Variants in GLIS3 observed in about 807,000 individuals in gnomAD.
GLIS3 encodes the protein zinc finger protein GLIS3.
In GLIS3, 53 loss-of-function variants were observed where a neutral mutation model predicts 78.6. That is an observed-to-expected ratio of 0.67 (90% CI 0.54 to 0.85). The LOEUF is 0.85. Ranked by LOEUF, GLIS3 falls within the 40% of genes least tolerant of loss-of-function variation. The pLI is 0.00. For missense variants in GLIS3, 1,703 were observed against 1,231.1 expected (o/e 1.38, Z -5.74); for synonymous variants, 684 against 509.9 (o/e 1.34, Z -4.60).
chr9:4,233,815 T>G (rs1457679132), intron 2 of GLIS3, among the ~76,000 whole-genome samples: 4 of 152,226 alleles, frequency 2.6e-5, no homozygotes, highest in Non-Finnish European at 5.9e-5. Context: ...TTATCTACAT[T>G]GAAAGTCTGT....
At chr9:4,183,667 T>C (rs1817525631) in intron 2 of GLIS3, among the ~76,000 whole-genome samples, 1 of 152,208 alleles carries the variant, frequency 6.6e-6, no homozygotes, top group South Asian at 2.1e-4. Flanking sequence ...CAGCTTCAAC[T>C]TAATATGTTA....
At chr9:4,192,066 T>G (rs1468547178) in intron 2 of GLIS3, among the ~76,000 whole-genome samples, 2 of 152,138 alleles carry the variant, frequency 1.3e-5, no homozygotes, top group Non-Finnish European at 2.9e-5. Flanking sequence ...AAGGAGTTCT[T>G]GTGATAAACA....
chr9:4,262,884 C>T lies in GLIS3; in HGVS notation c.388+23154G>A, dbSNP rs140400574. On this transcript the variant is annotated intron_variant, in intron 2 of 10. Coordinates refer to ENST00000381971, the MANE Select transcript of GLIS3 (RefSeq NM_001042413.2). The stretch of plus-strand genomic sequence containing the variant: ...TTAAAACTATGAACTACCTTAAGCC[C>T]GTAGTTCACATGGTAGCTGACAGAT... Among the ~76,000 whole-genome samples the T allele has an allele frequency of 3.6e-3, 533 of 147,884 alleles. 5 individuals carry two copies. The highest frequency in any genetic ancestry group is 0.013 in the African/African-American group (498 of 39,592).
chr9:3,910,719 G>C (rs1189159362), intron 6 of GLIS3, among the ~76,000 whole-genome samples: 1 of 152,236 alleles, frequency 6.6e-6, no homozygotes, highest in Non-Finnish European at 1.5e-5. Context: ...TACTGGGCAA[G>C]TATATTCACT....
intron 2 of GLIS3, among the ~76,000 whole-genome samples, chr9:4,207,091 C>T (rs1819947382): frequency 6.6e-6 from 1 of 152,170 alleles, no homozygotes; most frequent in African/African-American, 2.4e-5. Context: ...CACATTCATC[C>T]CTACCTCTGG....
At chr9:4,234,763 T>C (rs1322555391) in intron 2 of GLIS3, among the ~76,000 whole-genome samples, 1 of 152,152 alleles carries the variant, frequency 6.6e-6, no homozygotes, top group Non-Finnish European at 1.5e-5. Context: ...CAAAATAAAA[T>C]GAGGTATGCT....
chr9:3,842,511 G>T (rs536705953), intron 9 of GLIS3, among the ~76,000 whole-genome samples: 84 of 152,294 alleles, frequency 5.5e-4, no homozygotes, highest in African/African-American at 1.9e-3. Flanking sequence ...GAGGAAGCTA[G>T]AGAGTCTTAA....
intron 6 of GLIS3, among the ~76,000 whole-genome samples, chr9:3,914,342 T>TC (rs1824356979): frequency 6.6e-6 from 1 of 151,512 alleles, no homozygotes; most frequent in African/African-American, 2.4e-5. Flanking sequence ...TTTTTTTTTT[T>TC]TTTTTGCAGA....
intron 7 of GLIS3, among the ~76,000 whole-genome samples, chr9:3,886,305 G>A (rs1822066785): frequency 6.6e-6 from 1 of 152,090 alleles, no homozygotes; most frequent in African/African-American, 2.4e-5. Context: ...TTGCTATGAA[G>A]TGGGGCCTGT....
chr9:4,117,917 T>A lies in GLIS3; in HGVS notation c.1561A>T (p.Ile521Phe), dbSNP rs141533130. Residue 521 changes from isoleucine to phenylalanine, a missense_variant, in exon 4 of 11, where the codon ATC (isoleucine) becomes TTC (phenylalanine). Transcript: ENST00000381971. ...CGCTGGTCGATGTGGACCTTCTCGA[T>A]GTGCCGCACGAGCTCCTCCTGCTGG... ...YDQQEELVRH[I>F]EKVHIDQRKG... 6.2e-7 allele frequency: 1 copy of A among 1,614,148 alleles called. No individual in the cohort carries two copies. The highest frequency in any genetic ancestry group is 1.6e-4 in the Middle Eastern group (1 of 6,062).
At chr9:4,147,368 G>T (rs1834305983) in intron 2 of GLIS3, 1 of 152,072 alleles carries the variant, frequency 6.6e-6, no homozygotes, top group South Asian at 2.1e-4. Flanking sequence ...CATGTTCTCA[G>T]GCTGTTTGGC....
chr9:4,358,064 A>C, the GLIS3 span, among the ~76,000 whole-genome samples: 4 of 152,208 alleles, frequency 2.6e-5, no homozygotes, highest in African/African-American at 9.7e-5. Flanking sequence ...GAGAAAAGCA[A>C]GGACAAGGGC....
intron 9 of GLIS3, among the ~76,000 whole-genome samples, chr9:3,855,007 C>T (rs1819673748): frequency 6.6e-6 from 1 of 152,168 alleles, no homozygotes; most frequent in Admixed American, 6.5e-5. Flanking sequence ...CAGGCATCAG[C>T]AAGAGGCAGG....
At chr9:3,871,468 T>C (rs1038925544) in intron 8 of GLIS3, among the ~76,000 whole-genome samples, 3 of 152,206 alleles carry the variant, frequency 2.0e-5, no homozygotes, top group African/African-American at 7.2e-5. Context: ...TGCAGCAAAC[T>C]TCTGCCTGGG....
At chr9:4,004,750 A>C (rs1821405584) in intron 4 of GLIS3, among the ~76,000 whole-genome samples, 1 of 152,182 alleles carries the variant, frequency 6.6e-6, no homozygotes, top group African/African-American at 2.4e-5. Context: ...CTGAGAAGAT[A>C]TACTGTGTGG....
At position 3,986,013 on chromosome 9, in the gene GLIS3, T is replaced by G. The variant is rs144937380; in HGVS notation, c.1711-48824A>C. On this transcript the variant is annotated intron_variant, in intron 4 of 10. Coordinates refer to ENST00000381971, the MANE Select transcript of GLIS3 (RefSeq NM_001042413.2). ...ATCAGTCATGCTAATTAAAAAGAAATTAAGCAAGAAACAGTCAAGAAGGAC... is the reference window on the plus strand; with the variant it reads ...ATCAGTCATGCTAATTAAAAAGAAAGTAAGCAAGAAACAGTCAAGAAGGAC... Among the ~76,000 whole-genome samples, 389 of 152,264 alleles carry G rather than the reference T, an allele frequency of 2.6e-3. 2 individuals are homozygous for G. Among genetic ancestry groups the G allele is most frequent in the African/African-American group, 9.1e-3 (379 of 41,548 alleles).
chr9:4,234,123 TCAGCA>T (rs75068236), intron 2 of GLIS3, among the ~76,000 whole-genome samples: 18,404 of 152,178 alleles, frequency 0.12, 1,271 homozygotes, highest in African/African-American at 0.18. Context: ...TTTCTCCGTA[TCAGCA>T]ATGAGGATAT....
intron 4 of GLIS3, among the ~76,000 whole-genome samples, chr9:3,987,440 G>A (rs202169907): frequency 1.3e-5 from 2 of 152,104 alleles, no homozygotes; most frequent in East Asian, 1.9e-4. Flanking sequence ...AGTGATTCAC[G>A]CCTTTAATCC....
intron 4 of GLIS3, among the ~76,000 whole-genome samples, chr9:3,978,018 T>G (rs1818929594): frequency 6.6e-6 from 1 of 152,222 alleles, no homozygotes. Flanking sequence ...TGGGAGGTCT[T>G]GGTTGAGTAC....
Sources: allele counts gnomAD v4.1 joint callset (sites outside exome capture counted in the v4.1 genomes callset), GRCh38; gene constraint gnomAD v4.1.1; transcripts MANE v1.5; gene names NCBI Gene and HGNC (gene_info 2026-07-23, HGNC 2026-07-21).